TRPC3: variants seen among roughly 807,000 people sequenced by gnomAD.
TRPC3 encodes transient receptor potential cation channel subfamily C member 3.
A neutral mutation model predicts 90.9 loss-of-function variants in TRPC3; 54 were observed. That is an observed-to-expected ratio of 0.59 (90% CI 0.48 to 0.75). The LOEUF is 0.75. Ranked by LOEUF, TRPC3 falls within the 30% of genes least tolerant of loss-of-function variation. The pLI is 0.00. For missense variants in TRPC3, 918 were observed against 1,194.5 expected, an observed-to-expected ratio of 0.77 and a Z score of 3.41; for synonymous variants, 424 against 450.9, an observed-to-expected ratio of 0.94 and a Z score of 0.75.
chr4:121,950,981 C>T (rs1730708664), intron 1 of TRPC3: 1 of 152,602 alleles, frequency 6.6e-6, no homozygotes, highest in African/African-American at 2.4e-5. Context: ...GGAGGGGACC[C>T]AAGTCCACGC....
At chr4:121,911,111 A>G (rs955707241) in intron 5 of TRPC3, among the ~76,000 whole-genome samples, 3 of 152,252 alleles carry the variant, frequency 2.0e-5, no homozygotes, top group African/African-American at 7.2e-5. Context: ...ATGGCTTAAA[A>G]GAAAATGTAT....
In TRPC3 at chr4:121,875,545, G is replaced by A. The variant is rs2149099682; in HGVS notation, c.*4191C>T. Among the ~76,000 whole-genome samples the A allele has an allele frequency of 1.3e-5, 2 of 152,176 alleles. 1 individual carries two copies. Among genetic ancestry groups the A allele is most frequent in the East Asian group, 3.9e-4 (2 of 5,172 alleles). On this transcript the variant is annotated 3_prime_UTR_variant, in exon 12 of 12. Coordinates refer to ENST00000379645, the MANE Select transcript of TRPC3 (RefSeq NM_001130698.2). Reference sequence around the variant, plus strand: ...TTTAAAGATGTTTTAGGGTATCAGAGACATCTTGGTGGTCTTTATAAAACT... The same window carrying A: ...TTTAAAGATGTTTTAGGGTATCAGAAACATCTTGGTGGTCTTTATAAAACT...
intron 2 of TRPC3, among the ~76,000 whole-genome samples, chr4:121,928,688 C>T (rs1447687382): frequency 6.6e-6 from 1 of 152,164 alleles, no homozygotes; most frequent in Non-Finnish European, 1.5e-5. Flanking sequence ...TACTGCACAC[C>T]TTATAGAGCA....
At chr4:121,933,210 C>T in intron 1 of TRPC3, 168 bp from the exon 2 acceptor site, 2 of 1,315,242 alleles carry the variant, frequency 1.5e-6, no homozygotes, top group Non-Finnish European at 1.9e-6. Context: ...GAAAGTGACA[C>T]CTGTGATCTA....
Position 121,875,763 on chromosome 4 carries a change from C to G in TRPC3, c.*3973G>C, listed in dbSNP as rs1221951214. ...CATTAAAGTTAAAACCATCAACACG[C>G]TAGTGGTGGTCAGCTGAGTGACTGA... On this transcript the variant is annotated 3_prime_UTR_variant, in exon 12 of 12. Coordinates refer to ENST00000379645, the MANE Select transcript of TRPC3 (RefSeq NM_001130698.2). Among the ~76,000 whole-genome samples, 13 of 152,018 alleles carry G rather than the reference C, an allele frequency of 8.6e-5. No homozygotes were observed. Among genetic ancestry groups the G allele is most frequent in the Admixed American group, 8.5e-4 (13 of 15,278 alleles).
intron 10 of TRPC3, among the ~76,000 whole-genome samples, chr4:121,888,500 A>C (rs903642607): frequency 6.6e-5 from 10 of 152,114 alleles, no homozygotes; most frequent in Non-Finnish European, 1.5e-5. Context: ...CCTCATTAGA[A>C]TTAGTATATT....
At chr4:121,946,034 C>T (rs183161242) in intron 1 of TRPC3, among the ~76,000 whole-genome samples, 67 of 152,048 alleles carry the variant, frequency 4.4e-4, no homozygotes, top group Admixed American at 2.2e-3. Context: ...ATAGAAAAAA[C>T]ACAAAAAGCA....
At chr4:121,923,516 T>C (rs1235263994) in intron 3 of TRPC3, among the ~76,000 whole-genome samples, 1 of 151,904 alleles carries the variant, frequency 6.6e-6, no homozygotes, top group African/African-American at 2.4e-5. Context: ...GGGTATGAAT[T>C]TTCATAATGT....
chr4:121,934,348 T>C (rs1730058710), intron 1 of TRPC3, among the ~76,000 whole-genome samples: 1 of 152,218 alleles, frequency 6.6e-6, no homozygotes, highest in African/African-American at 2.4e-5. Context: ...CTTTCAATAA[T>C]CTGTACAATA....
At chr4:121,923,325 C>T (rs1015272739) in intron 3 of TRPC3, among the ~76,000 whole-genome samples, 1 of 152,162 alleles carries the variant, frequency 6.6e-6, no homozygotes, top group Non-Finnish European at 1.5e-5. Flanking sequence ...TTTTTGGAAG[C>T]ACAGCTTAGA....
At position 121,910,222 on chromosome 4, in the gene TRPC3, T is replaced by C; in HGVS notation, c.1724A>G (p.Asp575Gly). ...GAGGTCACTCTCTTGGACGTAACTG[T>C]CCACATACTGTTGTGCCTTCGTTGC... The part of the protein sequence containing the change: ...LQATKAQQYV[D>G]SYVQESDLSE... The change falls in exon 6 of 12, where the codon GAC becomes GGC. Residue 575 changes from aspartate (D) to glycine (G), a missense_variant. Coordinates refer to ENST00000379645, the MANE Select transcript of TRPC3 (RefSeq NM_001130698.2). The C allele has an allele frequency of 1.2e-6, 2 of 1,613,814 alleles. No homozygotes were observed. The highest frequency in any genetic ancestry group is 1.7e-6 in the Non-Finnish European group (2 of 1,179,790).
intron 3 of TRPC3, among the ~76,000 whole-genome samples, chr4:121,924,701 T>C (rs1729640737): frequency 6.6e-6 from 1 of 152,068 alleles, no homozygotes; most frequent in South Asian, 2.1e-4. Context: ...CCACCATGCC[T>C]GGCTAATTTT....
In TRPC3 at chr4:121,907,853, G is replaced by A. The variant is rs151279807; in HGVS notation, c.1793-286C>T. On this transcript the variant is annotated intron_variant, in intron 6 of 11. Transcript: ENST00000379645. ...AAACATGGAGAGGTTAAAACACTTC[G>A]TTAGACACAGACTGTATCCAGGATG... Among the ~76,000 whole-genome samples the A allele has an allele frequency of 2.2e-4, 34 of 152,166 alleles. 1 individual carries two copies. In the South Asian group the frequency reaches 2.3e-3, roughly 10 times the overall value.
At position 121,875,131 on chromosome 4, in the gene TRPC3, TAA is replaced by T. The variant is rs34936358; in HGVS notation, c.*4603_*4604del. On this transcript the variant is annotated 3_prime_UTR_variant, in exon 12 of 12. Transcript: ENST00000379645. ...AAATACTATGGTTCTAATAAATAGG[TAA>T]AAAAAAAAACACCAAAGACAGACAA... 2.7e-5 allele frequency among the ~76,000 whole-genome samples: 4 copies of T among 149,706 alleles called. No individual in the cohort carries two copies. Among genetic ancestry groups the T allele is most frequent in the East Asian group, 2.0e-4 (1 of 5,128 alleles).
intron 11 of TRPC3, among the ~76,000 whole-genome samples, chr4:121,881,647 C>T (rs1341120547): frequency 6.6e-6 from 1 of 152,116 alleles, no homozygotes; most frequent in African/African-American, 2.4e-5. Flanking sequence ...AAGTTTAGTC[C>T]TTTCCTCTTT....
At chr4:121,922,144 G>A (rs1306520767) in intron 3 of TRPC3, among the ~76,000 whole-genome samples, 1 of 151,812 alleles carries the variant, frequency 6.6e-6, no homozygotes. Flanking sequence ...GGATGGTCTC[G>A]ATCTCCTGAC....
At chr4:121,918,364 CT>C (rs751833219) in intron 3 of TRPC3, among the ~76,000 whole-genome samples, 21 of 152,192 alleles carry the variant, frequency 1.4e-4, no homozygotes, top group Non-Finnish European at 2.6e-4. Flanking sequence ...GTTTTAAACT[CT>C]TGAGGACAGA....
chr4:121,923,977 C>CATT (rs137928942), intron 3 of TRPC3, among the ~76,000 whole-genome samples: 6,110 of 152,204 alleles, frequency 0.04, 404 homozygotes, highest in African/African-American at 0.14. Flanking sequence ...TATTGTGAAA[C>CATT]ATAACTACAA....
intron 3 of TRPC3, among the ~76,000 whole-genome samples, chr4:121,924,332 G>A (rs1216018630): frequency 6.6e-6 from 1 of 152,124 alleles, no homozygotes; most frequent in African/African-American, 2.4e-5. Flanking sequence ...GAGTGCTTTT[G>A]CATATCTTAA....
Sources: gnomAD v4.1 joint callset for allele counts (sites outside exome capture counted in the v4.1 genomes callset) on GRCh38, gnomAD v4.1.1 for gene constraint, MANE v1.5 for transcripts, NCBI Gene and HGNC (gene_info 2026-07-23, HGNC 2026-07-21) for gene names.